Variants in ANOS1 observed in about 807,000 individuals in gnomAD.
ANOS1 encodes the protein anosmin-1.
ANOS1 carries 6 observed loss-of-function variants against 59.0 expected under a neutral mutation model. That is an observed-to-expected ratio of 0.10 (90% confidence interval 0.06 to 0.20). The LOEUF (loss-of-function observed/expected upper bound fraction) is 0.20, where lower values mean the gene tolerates loss of function less well. ANOS1 is among the 10% of genes least tolerant of loss of function. The pLI is 1.00. For missense variants in ANOS1, 433 were observed against 542.3 expected (o/e 0.80, Z 2.00); for synonymous variants, 217 against 223.4 (o/e 0.97, Z 0.25).
chrX:8,606,216 A>C (rs1601975317), intron 3 of ANOS1, among the ~76,000 whole-genome samples: 1 of 112,724 alleles, frequency 8.9e-6, no homozygotes, highest in African/African-American at 3.2e-5. Context: ...ACCCCTGTTT[A>C]AAAACAAAGA....
rs181661367 is a variant in ANOS1, at chrX:8,647,131, C to G, written c.256-23461G>C. On this transcript the variant is annotated intron_variant, in intron 2 of 13. Coordinates refer to ENST00000262648, the MANE Select transcript of ANOS1 (RefSeq NM_000216.4). ...GCCTCCACGCTACTGACATGCAGGG[C>G]TTATCCATAAGCCTTTGTTGTGGGG... Among the ~76,000 whole-genome samples, 17 of 109,712 alleles carry G rather than the reference C, an allele frequency of 1.5e-4. No homozygotes were observed. In the Admixed American group the frequency reaches 1.6e-3, roughly 10 times the overall value.
intron 6 of ANOS1, among the ~76,000 whole-genome samples, chrX:8,584,814 T>C (rs1930482404): frequency 8.9e-6 from 1 of 112,291 alleles, no homozygotes; most frequent in Non-Finnish European, 1.9e-5. Flanking sequence ...AATGATTAAA[T>C]GACTCAGGAG....
At chrX:8,674,099 C>A (rs192053776) in intron 2 of ANOS1, among the ~76,000 whole-genome samples, 3 of 112,010 alleles carry the variant, frequency 2.7e-5, no homozygotes, top group East Asian at 5.6e-4. Context: ...GTGTAACAAC[C>A]TTTTGGCTTC....
chrX:8,654,498 C>T (rs1046052666), intron 2 of ANOS1, among the ~76,000 whole-genome samples: 1 of 112,350 alleles, frequency 8.9e-6, no homozygotes, highest in South Asian at 3.7e-4. Context: ...AGTCTTTTTA[C>T]AAGCACAGAT....
At chrX:8,726,876 A>C (rs1187318383) in intron 1 of ANOS1, among the ~76,000 whole-genome samples, 1 of 111,922 alleles carries the variant, frequency 8.9e-6, no homozygotes, top group East Asian at 2.8e-4. Context: ...TCTTCTAGAG[A>C]AGTTGAGAAC....
At chrX:8,549,584 C>G (rs775451209) in intron 9 of ANOS1, among the ~76,000 whole-genome samples, 27 of 112,359 alleles carry the variant, frequency 2.4e-4, no homozygotes, top group Non-Finnish European at 4.3e-4. Context: ...AAAGGCTGGG[C>G]TCAGAGGCTC....
intron 2 of ANOS1, among the ~76,000 whole-genome samples, chrX:8,659,593 CCTT>C (rs1255982172): frequency 4.5e-4 from 13 of 28,897 alleles, no homozygotes; most frequent in African/African-American, 2.1e-3. Flanking sequence ...TGCCTTCCTT[CCTT>C]CCTTCCTTCC....
At chrX:8,634,673 T>C (rs182303722) in intron 2 of ANOS1, among the ~76,000 whole-genome samples, 191 of 112,140 alleles carry the variant, frequency 1.7e-3, no homozygotes, top group African/African-American at 5.9e-3. Context: ...TCTCATAACT[T>C]AAGTGTGTTT....
intron 8 of ANOS1, among the ~76,000 whole-genome samples, chrX:8,561,734 A>G (rs1930036417): frequency 9.1e-6 from 1 of 109,584 alleles, no homozygotes; most frequent in African/African-American, 3.3e-5. Context: ...GGCATGAGCT[A>G]CTGTGCCCAG....
intron 2 of ANOS1, among the ~76,000 whole-genome samples, chrX:8,655,488 G>A (rs1284720522): frequency 9.0e-6 from 1 of 111,489 alleles, no homozygotes; most frequent in African/African-American, 3.3e-5. Flanking sequence ...TTCCTAACAG[G>A]CCATGGACCA....
rs1340280492 is a variant in ANOS1, at chrX:8,597,442, C to A, written c.319-186G>T. ...ATTTTGTGCTGATTTCTCAAAGGAA[C>A]ATAATCCATAAGTGATGATTTTATA... On this transcript the variant is annotated intron_variant, in intron 3 of 13. Transcript: ENST00000262648. 3.6e-5 allele frequency among the ~76,000 whole-genome samples: 4 copies of A among 110,920 alleles called. No individual in the cohort carries two copies. The East Asian group carries it at 1.1e-3, about 31-fold the overall frequency.
chrX:8,707,246 G>A (rs1440689325), intron 1 of ANOS1, among the ~76,000 whole-genome samples: 1 of 112,025 alleles, frequency 8.9e-6, no homozygotes, highest in East Asian at 2.8e-4. Context: ...TTCACAAATG[G>A]TACTGATTGA....
At chrX:8,584,595 T>C (rs1391420496) in intron 6 of ANOS1, among the ~76,000 whole-genome samples, 1 of 112,065 alleles carries the variant, frequency 8.9e-6, no homozygotes, top group Non-Finnish European at 1.9e-5. Flanking sequence ...ACCAGATCCT[T>C]ATAATTAGTC....
At chrX:8,621,412 G>T (rs1175308013) in intron 3 of ANOS1, among the ~76,000 whole-genome samples, 1 of 110,991 alleles carries the variant, frequency 9.0e-6, no homozygotes, top group Non-Finnish European at 1.9e-5. Flanking sequence ...TTTGTGTATG[G>T]AATAGGGTAG....
At chrX:8,642,880 T>C (rs1434916085) in intron 2 of ANOS1, among the ~76,000 whole-genome samples, 1 of 111,886 alleles carries the variant, frequency 8.9e-6, no homozygotes, top group Non-Finnish European at 1.9e-5. Context: ...TCATGAGCCA[T>C]ATAGCAGCAA....
intron 3 of ANOS1, among the ~76,000 whole-genome samples, chrX:8,610,033 A>AAAAAAAAAAACAAC (rs1287806402): frequency 2.2e-4 from 18 of 82,693 alleles, no homozygotes; most frequent in Non-Finnish European, 3.0e-4. Context: ...AAAAAAAAAA[A>AAAAAAAAAAACAAC]AACAACAACC....
chrX:8,579,786 C>T (rs1038962363), intron 6 of ANOS1, among the ~76,000 whole-genome samples: 1 of 111,721 alleles, frequency 9.0e-6, no homozygotes, highest in African/African-American at 3.3e-5. Flanking sequence ...CCTTAACCCC[C>T]CTCCAGCGAG....
At chrX:8,566,147 G>A in intron 8 of ANOS1, 2 of 754,510 alleles carry the variant, frequency 2.7e-6, no homozygotes, top group Non-Finnish European at 3.1e-6. Flanking sequence ...CATGAGGGAT[G>A]ATGTGACTCT....
At position 8,725,727 on chromosome X, in the gene ANOS1, G is replaced by GAT. The variant is rs1331411268; in HGVS notation, c.207+6101_207+6102dup. ...ATATATACAGATATATATATATACA[G>GAT]ATATATATATACAGATATATATATA... On this transcript the variant is annotated intron_variant, in intron 1 of 13. Transcript: ENST00000262648. 6.8e-5 allele frequency among the ~76,000 whole-genome samples: 3 copies of GAT among 44,401 alleles called. 1 individual carries two copies. The highest frequency in any genetic ancestry group is 7.1e-4 in the South Asian group (1 of 1,403). The allele number at this position is 44,401 out of a possible 115,157, so 38.6% of individuals were successfully genotyped here. A position where few individuals can be genotyped will look rare whatever the true frequency, so the allele number is the denominator to read the frequency against.
Sources: gnomAD v4.1 joint callset for allele counts (sites outside exome capture counted in the v4.1 genomes callset) on GRCh38, gnomAD v4.1.1 for gene constraint, MANE v1.5 for transcripts, NCBI Gene and HGNC (gene_info 2026-07-23, HGNC 2026-07-21) for gene names.